NDUFA10: variants seen among roughly 807,000 people sequenced by gnomAD.
NDUFA10 encodes NADH:ubiquinone oxidoreductase subunit A10.
A neutral mutation model predicts 47.8 loss-of-function variants in NDUFA10; 40 were observed. The ratio of observed to expected loss-of-function variants is 0.84; its 90% CI spans 0.65 to 1.09. The LOEUF (loss-of-function observed/expected upper bound fraction) is 1.09. Ranked by LOEUF, NDUFA10 falls within the 50% of genes least tolerant of loss-of-function variation. The pLI is 0.00. For missense variants in NDUFA10, 413 were observed against 451.1 expected (o/e 0.92, Z 0.76); for synonymous variants, 183 against 172.2 (o/e 1.06, Z -0.49).
At chr2:239,908,857 G>A (rs193161336) in intron 4 of NDUFA10, among the ~76,000 whole-genome samples, 37 of 152,250 alleles carry the variant, frequency 2.4e-4, no homozygotes, top group African/African-American at 8.7e-4. Flanking sequence ...CCTCCCTGTT[G>A]GAAACCTGGA....
chr2:240,022,143 G>GT, intron 2 of NDUFA10, 29 bp downstream of exon 2: 6 of 1,585,660 alleles, frequency 3.8e-6, no homozygotes, highest in Non-Finnish European at 5.2e-6. Context: ...TGAGAAAAAG[G>GT]TATCATTCTG....
intron 9 of NDUFA10, among the ~76,000 whole-genome samples, chr2:239,971,371 C>T (rs546776874): frequency 1.3e-5 from 2 of 152,348 alleles, no homozygotes; most frequent in African/African-American, 4.8e-5. Flanking sequence ...TACTGAACAC[C>T]TATGCCACTC....
chr2:239,913,884 G>C (rs1693795905), intron 4 of NDUFA10, among the ~76,000 whole-genome samples: 1 of 152,210 alleles, frequency 6.6e-6, no homozygotes, highest in African/African-American at 2.4e-5. Flanking sequence ...AGGAGGACGT[G>C]GCCAAGAGCG....
At chr2:239,930,383 A>T (rs1694146725) in intron 4 of NDUFA10, among the ~76,000 whole-genome samples, 1 of 151,808 alleles carries the variant, frequency 6.6e-6, no homozygotes, top group Non-Finnish European at 1.5e-5. Flanking sequence ...CATGCAGATC[A>T]TCTCCCAGGA....
chr2:239,994,221 G>A (rs546687977), intron 8 of NDUFA10, among the ~76,000 whole-genome samples: 1 of 152,262 alleles, frequency 6.6e-6, no homozygotes, highest in South Asian at 2.1e-4. Flanking sequence ...TCTGCAACCT[G>A]TTAGGAACCT....
At position 240,025,270 on chromosome 2, in the gene NDUFA10, G is replaced by A; in HGVS notation, c.32C>T (p.Thr11Met). 1 of 1,500,938 alleles carries A rather than the reference G, an allele frequency of 6.7e-7. No homozygotes were observed. The highest frequency in any genetic ancestry group is 8.9e-7 in the Non-Finnish European group (1 of 1,128,860). 93.0% of individuals were successfully genotyped at this position (1,500,938 alleles called of 1,614,324 possible). A position where few individuals can be genotyped will look rare whatever the true frequency, so the allele number is the denominator to read the frequency against. ...CGCCACGACCCGGGCGGACGCGGACGTCGCTGCCAGCTTCAGGAGCCGCAA... is the reference window on the plus strand; with the variant it reads ...CGCCACGACCCGGGCGGACGCGGACATCGCTGCCAGCTTCAGGAGCCGCAA... MALRLLKLAA[T>M]SASARVVAAG... Residue 11 changes from threonine to methionine, a missense_variant, in exon 1 of 10, where the codon ACG becomes ATG. Coordinates refer to ENST00000252711, the MANE Select transcript of NDUFA10 (RefSeq NM_004544.4).
chr2:239,915,435 GAC>G (rs780825934), intron 4 of NDUFA10, among the ~76,000 whole-genome samples: 6 of 117,944 alleles, frequency 5.1e-5, no homozygotes, highest in South Asian at 2.7e-4. Context: ...CAAATATACA[GAC>G]ACACACACAG....
intron 4 of NDUFA10, among the ~76,000 whole-genome samples, chr2:239,905,211 A>G (rs921236775): frequency 2.0e-5 from 3 of 152,152 alleles, no homozygotes; most frequent in Non-Finnish European, 4.4e-5. Flanking sequence ...TACCCCATGC[A>G]GTGTGAAGAC....
In NDUFA10 at chr2:239,906,280, T is replaced by C. The variant is rs146329031; in HGVS notation, c.295-10966A>G. Among the ~76,000 whole-genome samples the C allele has an allele frequency of 8.9e-3, 1,358 of 152,322 alleles. 68 individuals carry two copies. The highest frequency in any genetic ancestry group is 0.071 in the Admixed American group (1,081 of 15,310). On this transcript the variant is annotated intron_variant, in intron 4 of 5. Transcript: ENST00000419408. The surrounding 1 kb of genome is among the most constrained non-coding windows in gnomAD (Gnocchi z 4.3). Reference sequence around the variant, plus strand: ...ATTTAATCATCTACTGTTCAAGCTCTTAGCAAAACTGCGGCTTCAGTTGTG... The same window carrying C: ...ATTTAATCATCTACTGTTCAAGCTCCTAGCAAAACTGCGGCTTCAGTTGTG...
At chr2:240,000,149 C>T (rs919519717) in intron 8 of NDUFA10, among the ~76,000 whole-genome samples, 1 of 152,224 alleles carries the variant, frequency 6.6e-6, no homozygotes, top group Non-Finnish European at 1.5e-5. Context: ...CTATACTAGA[C>T]ATTTCATCGT....
intron 8 of NDUFA10, among the ~76,000 whole-genome samples, chr2:240,004,451 C>T (rs1696857019): frequency 6.6e-6 from 1 of 152,166 alleles, no homozygotes; most frequent in Non-Finnish European, 1.5e-5. Context: ...CATCTCATCT[C>T]ATCAGAAGAA....
chr2:240,018,364 T>C, intron 4 of NDUFA10, 189 bp downstream of exon 4: 1 of 1,507,828 alleles, frequency 6.6e-7, no homozygotes, highest in Non-Finnish European at 8.9e-7. Context: ...AAAAGACACC[T>C]ATTTCAGGAG....
chr2:239,966,436 G>A lies in NDUFA10; in HGVS notation c.1000-5250C>T, dbSNP rs531674237. ...TGCACACTGCAGCCCAGCCTGCTTGGGGATGTGGCCCAGCCTGTTTGGGAA... is the reference window on the plus strand; with the variant it reads ...TGCACACTGCAGCCCAGCCTGCTTGAGGATGTGGCCCAGCCTGTTTGGGAA... On this transcript the variant is annotated intron_variant, in intron 9 of 9. Coordinates refer to ENST00000252711, the MANE Select transcript of NDUFA10 (RefSeq NM_004544.4). 3.9e-5 allele frequency among the ~76,000 whole-genome samples: 6 copies of A among 152,260 alleles called. No individual in the cohort carries two copies. The East Asian group carries it at 1.2e-3, about 29-fold the overall frequency.
chr2:240,012,918 G>A (rs1697196628), intron 5 of NDUFA10: 1 of 152,228 alleles, frequency 6.6e-6, no homozygotes. Flanking sequence ...GCATATAGGA[G>A]GTGCTCTGTA....
intron 9 of NDUFA10, chr2:239,976,432 C>T (rs1023736771): frequency 6.6e-6 from 1 of 152,586 alleles, no homozygotes; most frequent in Non-Finnish European, 1.5e-5. Flanking sequence ...CTGCCCCCCC[C>T]AAGACTCTAC....
chr2:239,969,693 C>T (rs957749125), intron 9 of NDUFA10: 3 of 471,324 alleles, frequency 6.4e-6, no homozygotes, highest in African/African-American at 6.0e-5. Flanking sequence ...TCTCCCCGAT[C>T]CTTCAAAGGT....
chr2:239,909,727 A>G (rs901804487), intron 4 of NDUFA10, among the ~76,000 whole-genome samples: 5 of 150,218 alleles, frequency 3.3e-5, no homozygotes, highest in Non-Finnish European at 5.9e-5. Flanking sequence ...AGCAATTGCA[A>G]CAAAAGCAAA....
At position 239,911,645 on chromosome 2, in the gene NDUFA10, C is replaced by T. The variant is rs115507374; in HGVS notation, c.295-16331G>A. 4.1e-3 allele frequency among the ~76,000 whole-genome samples: 608 copies of T among 149,854 alleles called. 3 individuals carry two copies. Among genetic ancestry groups the T allele is most frequent in the African/African-American group, 0.014 (577 of 40,272 alleles). ...CCCAAAAACACTTACAAAGCCAGCC[C>T]AGCCCAGACACCAAAACATGAGAGA... On this transcript the variant is annotated intron_variant, in intron 4 of 5. Coordinates refer to the NDUFA10 transcript ENST00000419408.
At chr2:239,901,805 TA>T (rs1209792311) in intron 4 of NDUFA10, among the ~76,000 whole-genome samples, 1 of 151,576 alleles carries the variant, frequency 6.6e-6, no homozygotes, top group Admixed American at 6.6e-5. Context: ...AACAAGAGTT[TA>T]AAAGAAGTTG....
Sources: allele counts gnomAD v4.1 joint callset (sites outside exome capture counted in the v4.1 genomes callset), GRCh38; gene constraint gnomAD v4.1.1; non-coding constraint Gnocchi (gnomAD v3.1); transcripts MANE v1.5; gene names NCBI Gene and HGNC (gene_info 2026-07-23, HGNC 2026-07-21).